Variants in FILIP1 observed in about 807,000 individuals in gnomAD.
The protein encoded by FILIP1 is filamin-A-interacting protein 1.
FILIP1 carries 61 observed loss-of-function variants against 102.1 expected under a neutral mutation model. That is an observed-to-expected ratio of 0.60 (90% confidence interval 0.49 to 0.74). FILIP1 has a LOEUF of 0.74. Among genes scored for constraint, FILIP1 ranks in the 30% least tolerant of loss-of-function variants. The pLI is 0.00. For missense variants in FILIP1, 1,314 were observed against 1,441.2 expected, an observed-to-expected ratio of 0.91 and a Z score of 1.43; for synonymous variants, 491 against 526.9, an observed-to-expected ratio of 0.93 and a Z score of 0.93.
intron 3 of FILIP1, chr6:75,360,881 T>C (rs1013432795): frequency 1.3e-5 from 2 of 152,200 alleles, no homozygotes; most frequent in Non-Finnish European, 2.9e-5. Context: ...TCGCGGTTCC[T>C]GCCTCGTGAA....
chr6:75,296,471 T>C (rs1772679544), intron 6 of FILIP1: 1 of 115,512 alleles, frequency 8.7e-6, no homozygotes, highest in South Asian at 2.9e-4. Flanking sequence ...CATAACTCTA[T>C]ATGTTTATTA....
rs183721117 is a variant in FILIP1 at position 75,323,283 on chromosome 6, A to C, written c.630-8081T>G. 1.8e-3 allele frequency among the ~76,000 whole-genome samples: 279 copies of C among 152,258 alleles called. 1 individual carries two copies. Among genetic ancestry groups the C allele is most frequent in the Middle Eastern group, 6.8e-3 (2 of 294 alleles). ...ACTTTATATTCCCAAACATTCTATG[A>C]TTGTTGATGGTGCATACATTTGTCA... On this transcript the variant is annotated intron_variant, in intron 4 of 5. Coordinates refer to ENST00000237172, the MANE Select transcript of FILIP1 (RefSeq NM_015687.5).
intron 2 of FILIP1, chr6:75,367,700 A>G (rs973489058): frequency 1.3e-5 from 2 of 152,196 alleles, no homozygotes; most frequent in Non-Finnish European, 2.9e-5. Flanking sequence ...TGTGGTATCT[A>G]ATCAATATAT....
At chr6:75,417,617 G>C (rs1386827050) in intron 1 of FILIP1, among the ~76,000 whole-genome samples, 2 of 152,140 alleles carry the variant, frequency 1.3e-5, no homozygotes, top group Non-Finnish European at 2.9e-5. Flanking sequence ...GTGTTACACA[G>C]TATAGGAAGC....
At chr6:75,419,052 AT>A (rs2149693391) in intron 1 of FILIP1, among the ~76,000 whole-genome samples, 1 of 152,222 alleles carries the variant, frequency 6.6e-6, no homozygotes, top group African/African-American at 2.4e-5. Context: ...CAGATGAAAA[AT>A]ATCACAGGAA....
chr6:75,401,057 C>A (rs930182107), intron 2 of FILIP1, among the ~76,000 whole-genome samples: 3 of 152,152 alleles, frequency 2.0e-5, no homozygotes, highest in African/African-American at 7.2e-5. Context: ...CTTTCCCCAC[C>A]CCTACTATTT....
At chr6:75,482,553 C>A (rs535067075) in intron 1 of FILIP1, among the ~76,000 whole-genome samples, 1 of 152,178 alleles carries the variant, frequency 6.6e-6, no homozygotes, top group Non-Finnish European at 1.5e-5. Context: ...AGTAAGAATT[C>A]TAGTCTGTTA....
At chr6:75,388,153 TG>T (rs1436750771) in intron 2 of FILIP1, among the ~76,000 whole-genome samples, 2 of 152,202 alleles carry the variant, frequency 1.3e-5, no homozygotes, top group Non-Finnish European at 2.9e-5. Context: ...CTTTCCCCAT[TG>T]CTTGTTTTTA....
At chr6:75,438,802 G>A (rs1006848496) in intron 1 of FILIP1, among the ~76,000 whole-genome samples, 2 of 152,122 alleles carry the variant, frequency 1.3e-5, no homozygotes, top group African/African-American at 2.4e-5. Flanking sequence ...TGCAACTAGT[G>A]GAAGCAACTA....
At chr6:75,365,794 T>C (rs1159620703) in intron 2 of FILIP1, among the ~76,000 whole-genome samples, 1 of 152,068 alleles carries the variant, frequency 6.6e-6, no homozygotes, top group East Asian at 1.9e-4. Flanking sequence ...AAGTAGTACC[T>C]TCATAAAGAA....
At chr6:75,356,620 C>A (rs1413430876) in intron 3 of FILIP1, among the ~76,000 whole-genome samples, 1 of 152,120 alleles carries the variant, frequency 6.6e-6, no homozygotes, top group Admixed American at 6.6e-5. Context: ...AGGCTCCCAC[C>A]ACCACACCCA....
chr6:75,438,464 T>A (rs1410484842), intron 1 of FILIP1, among the ~76,000 whole-genome samples: 1 of 152,212 alleles, frequency 6.6e-6, no homozygotes, highest in African/African-American at 2.4e-5. Context: ...TATACTTATT[T>A]TTGTCTGCAT....
Position 75,394,833 on chromosome 6 carries a change from A to G in FILIP1, c.276+19864T>C, listed in dbSNP as rs113860498. On this transcript the variant is annotated intron_variant, in intron 2 of 5. Coordinates refer to ENST00000237172, the MANE Select transcript of FILIP1 (RefSeq NM_015687.5). ...AGGAATGTGAGAAACCAGGCCTATG[A>G]AGGGCAACTTTGCAAAATCTATCGC... 5.3e-3 allele frequency among the ~76,000 whole-genome samples: 813 copies of G among 152,322 alleles called. 15 individuals are homozygous for G. Among genetic ancestry groups the G allele is most frequent in the African/African-American group, 0.019 (774 of 41,568 alleles).
chr6:75,313,317 G>T lies in FILIP1; in HGVS notation c.2515C>A (p.Arg839=). ...ACGGGTTTCTTCAATCCCACCTGCC[G>T]AAGATTACTCATAATATGATTTTCT... ...QEENHIMSNL[R]QVGLKKPVER... is the part of the protein sequence containing the mutation. Residue 839 remains arginine (R), a synonymous_variant, in exon 5 of 6, where the codon CGG becomes AGG. Coordinates refer to ENST00000237172, the MANE Select transcript of FILIP1 (RefSeq NM_015687.5). This position sits in a 1 kb window ranked among gnomAD's most constrained non-coding sequence, Gnocchi z 4.2. 6.2e-7 allele frequency: 1 copy of T among 1,614,180 alleles called. No individual in the cohort carries two copies. Among genetic ancestry groups the T allele is most frequent in the Non-Finnish European group, 8.5e-7 (1 of 1,180,034 alleles).
intron 2 of FILIP1, chr6:75,386,075 CT>C (rs1423235287): frequency 2.6e-5 from 4 of 152,180 alleles, no homozygotes; most frequent in African/African-American, 9.6e-5. Context: ...CAAGTTCTCC[CT>C]AGCTTGTTTC....
chr6:75,468,615 AAGTT>A (rs1324571154), intron 1 of FILIP1, among the ~76,000 whole-genome samples: 3 of 152,194 alleles, frequency 2.0e-5, no homozygotes, highest in Non-Finnish European at 2.9e-5. Flanking sequence ...TATAAAATAA[AAGTT>A]AGGAATTATG....
At chr6:75,425,832 G>T (rs895841633) in intron 1 of FILIP1, among the ~76,000 whole-genome samples, 2 of 152,062 alleles carry the variant, frequency 1.3e-5, no homozygotes, top group Non-Finnish European at 2.9e-5. Flanking sequence ...AAATATTAAG[G>T]CAAGAAGCAT....
At chr6:75,421,627 G>T (rs1030855042) in intron 1 of FILIP1, among the ~76,000 whole-genome samples, 1 of 151,970 alleles carries the variant, frequency 6.6e-6, no homozygotes, top group Non-Finnish European at 1.5e-5. Flanking sequence ...ACTTCAGCTC[G>T]TACTGACTTC....
intron 1 of FILIP1, among the ~76,000 whole-genome samples, chr6:75,485,610 C>T (rs1284553140): frequency 6.6e-6 from 1 of 152,114 alleles, no homozygotes; most frequent in East Asian, 1.9e-4. Flanking sequence ...TTATTAGAAT[C>T]GCTCTCCTTT....
Sources: gnomAD v4.1 joint callset for allele counts (sites outside exome capture counted in the v4.1 genomes callset) on GRCh38, gnomAD v4.1.1 for gene constraint, Gnocchi (gnomAD v3.1) non-coding constraint, MANE v1.5 for transcripts, NCBI Gene and HGNC (gene_info 2026-07-23, HGNC 2026-07-21) for gene names.